Variants in KCNIP4 observed in about 807,000 individuals in gnomAD.
KCNIP4 encodes potassium voltage-gated channel interacting protein 4, also known as Kv channel-interacting protein 4.
In KCNIP4, 12 loss-of-function variants were observed where a neutral mutation model predicts 34.0. The observed-to-expected ratio is 0.35, with a 90% CI of 0.23 to 0.57. KCNIP4 has a LOEUF of 0.57. Ranked by LOEUF, KCNIP4 falls within the 20% of genes least tolerant of loss-of-function variation. The probability of loss-of-function intolerance (pLI) is 0.83; values close to 1 mark genes in which losing one functional copy is unlikely to be tolerated. For missense variants in KCNIP4, 238 were observed against 311.7 expected, an observed-to-expected ratio of 0.76 and a Z score of 1.78; for synonymous variants, 124 against 102.2, an observed-to-expected ratio of 1.21 and a Z score of -1.29.
intron 1 of KCNIP4, among the ~76,000 whole-genome samples, chr4:21,152,062 G>T (rs564417497): frequency 1.4e-4 from 22 of 152,244 alleles, no homozygotes; most frequent in African/African-American, 5.1e-4. Flanking sequence ...AGACCAGCCT[G>T]ACCAACATGG....
At position 21,298,145 on chromosome 4, in the gene KCNIP4, T is replaced by C. The variant is rs180726111; in HGVS notation, c.62-415436A>G. Among the ~76,000 whole-genome samples the C allele has an allele frequency of 2.0e-5, 3 of 152,276 alleles. 1 individual carries two copies. Among genetic ancestry groups the C allele is most frequent in the African/African-American group, 7.2e-5 (3 of 41,566 alleles). ...CAAGGCGAGGCATATGCAACACTTT[T>C]TTTCATCCTCTTTGTCTTATACAGG... On this transcript the variant is annotated intron_variant, in intron 1 of 8. Coordinates refer to ENST00000382152, the MANE Select transcript of KCNIP4 (RefSeq NM_025221.6).
chr4:21,642,724 T>C (rs771523368), intron 1 of KCNIP4, among the ~76,000 whole-genome samples: 2 of 152,040 alleles, frequency 1.3e-5, no homozygotes, highest in Non-Finnish European at 2.9e-5. Context: ...ATTCACCTGA[T>C]GACTTTGGGC....
At chr4:20,785,329 T>C (rs199818345) in intron 3 of KCNIP4, among the ~76,000 whole-genome samples, 6 of 29,150 alleles carry the variant, frequency 2.1e-4, no homozygotes, top group African/African-American at 5.1e-4. Context: ...TTTTTTTTTC[T>C]TTTTTTTTTT....
chr4:21,295,708 AC>A (rs1479190240), intron 1 of KCNIP4, among the ~76,000 whole-genome samples: 1 of 151,928 alleles, frequency 6.6e-6, no homozygotes, highest in Non-Finnish European at 1.5e-5. Flanking sequence ...TTCTCTGACA[AC>A]CCTTTGATAA....
intron 1 of KCNIP4, among the ~76,000 whole-genome samples, chr4:21,184,844 C>T (rs917300729): frequency 6.6e-6 from 1 of 152,146 alleles, no homozygotes; most frequent in Non-Finnish European, 1.5e-5. Flanking sequence ...GTTCAAACCA[C>T]CTAGCACAGG....
intron 1 of KCNIP4, among the ~76,000 whole-genome samples, chr4:21,305,211 A>G (rs1234765471): frequency 6.6e-6 from 1 of 152,206 alleles, no homozygotes; most frequent in Non-Finnish European, 1.5e-5. Flanking sequence ...GCAGAGCAGG[A>G]TAGAATGAAG....
chr4:20,936,213 A>G (rs1731041568), intron 1 of KCNIP4, among the ~76,000 whole-genome samples: 1 of 152,162 alleles, frequency 6.6e-6, no homozygotes, highest in Non-Finnish European at 1.5e-5. Context: ...GGTGAAAGCA[A>G]AGGGGCTGTC....
intron 1 of KCNIP4, among the ~76,000 whole-genome samples, chr4:21,037,959 C>T (rs1741597673): frequency 1.5e-4 from 1 of 6,454 alleles, no homozygotes; most frequent in African/African-American, 4.7e-4. Flanking sequence ...ATACAAAATG[C>T]TGGGGGTTTT....
In KCNIP4 at chr4:21,948,217, TA is replaced by T. The variant is rs1730609639; in HGVS notation, c.61+353del. Among the ~76,000 whole-genome samples, 3 of 152,318 alleles carry T rather than the reference TA, an allele frequency of 2.0e-5. No homozygotes were observed. In the South Asian group the frequency reaches 6.2e-4, roughly 32 times the overall value. Reference sequence around the variant, plus strand: ...TTTCAGCTCATTAATCCCCAGGTGTTAGGGGAAGGAAGCGTGCGGTCTGGAG... The same window carrying T: ...TTTCAGCTCATTAATCCCCAGGTGTTGGGGAAGGAAGCGTGCGGTCTGGAG... On this transcript the variant is annotated intron_variant, in intron 1 of 8. Coordinates refer to ENST00000382152, the MANE Select transcript of KCNIP4 (RefSeq NM_025221.6).
intron 1 of KCNIP4, among the ~76,000 whole-genome samples, chr4:21,290,802 A>G (rs1204407426): frequency 1.3e-5 from 2 of 152,188 alleles, no homozygotes; most frequent in Non-Finnish European, 1.5e-5. Context: ...GAGCCTTTTC[A>G]AGGTCAGGAA....
At chr4:21,524,149 T>G (rs987001897) in intron 1 of KCNIP4, among the ~76,000 whole-genome samples, 2 of 152,086 alleles carry the variant, frequency 1.3e-5, no homozygotes, top group Non-Finnish European at 2.9e-5. Context: ...AAGAATAAGC[T>G]GGCATGCTCT....
At chr4:21,353,194 C>T (rs1718196598) in intron 1 of KCNIP4, among the ~76,000 whole-genome samples, 1 of 152,124 alleles carries the variant, frequency 6.6e-6, no homozygotes, top group South Asian at 2.1e-4. Flanking sequence ...GGGGAGAAAC[C>T]AGAGCAGAAA....
At chr4:20,928,749 C>G (rs1414369858) in intron 1 of KCNIP4, among the ~76,000 whole-genome samples, 1 of 151,596 alleles carries the variant, frequency 6.6e-6, no homozygotes, top group East Asian at 1.9e-4. Context: ...TAAATAAAAT[C>G]AGAAATAAAA....
At chr4:21,686,180 C>G (rs151168192) in intron 1 of KCNIP4, among the ~76,000 whole-genome samples, 2 of 152,220 alleles carry the variant, frequency 1.3e-5, no homozygotes, top group African/African-American at 4.8e-5. Flanking sequence ...ATCTGGTGGT[C>G]TTGAAAAATA....
At chr4:21,820,324 T>TATATATATATAC (rs1286970944) in intron 1 of KCNIP4, among the ~76,000 whole-genome samples, 2 of 136,678 alleles carry the variant, frequency 1.5e-5, no homozygotes, top group Non-Finnish European at 1.5e-5. Flanking sequence ...TATATATATA[T>TATATATATATAC]ACATATATAC....
At chr4:21,947,647 G>C (rs1730579622) in intron 1 of KCNIP4, among the ~76,000 whole-genome samples, 1 of 152,072 alleles carries the variant, frequency 6.6e-6, no homozygotes, top group African/African-American at 2.4e-5. Context: ...TACAGCCCTC[G>C]AGTCCAAGTT....
At chr4:21,323,925 T>C (rs1480693673) in intron 1 of KCNIP4, among the ~76,000 whole-genome samples, 2 of 152,102 alleles carry the variant, frequency 1.3e-5, no homozygotes, top group Non-Finnish European at 2.9e-5. Flanking sequence ...TGAATGTCTT[T>C]TAGATAAAAA....
At chr4:21,513,190 T>G (rs1362581773) in intron 1 of KCNIP4, among the ~76,000 whole-genome samples, 1 of 152,192 alleles carries the variant, frequency 6.6e-6, no homozygotes, top group East Asian at 1.9e-4. Context: ...GTAACAGAGA[T>G]GAAGGTGTAA....
intron 1 of KCNIP4, among the ~76,000 whole-genome samples, chr4:21,004,802 C>T (rs116545371): frequency 0.023 from 3,470 of 152,172 alleles, 124 homozygotes; most frequent in African/African-American, 0.078. Flanking sequence ...GAAATGCAAT[C>T]ACATGGAGAC....
Sources: allele counts gnomAD v4.1 joint callset (sites outside exome capture counted in the v4.1 genomes callset), GRCh38; gene constraint gnomAD v4.1.1; transcripts MANE v1.5; gene names NCBI Gene and HGNC (gene_info 2026-07-23, HGNC 2026-07-21).